The following ADGRV1 variants were observed in gnomAD, a reference collection of about 807,000 sequenced individuals.
The protein encoded by ADGRV1 is adhesion G protein-coupled receptor V1.
ADGRV1 carries 359 observed loss-of-function variants against 596.2 expected under a neutral mutation model. That is an observed-to-expected ratio of 0.60 (90% CI 0.55 to 0.66). The LOEUF is 0.66. ADGRV1 is among the 30% of genes least tolerant of loss of function. The pLI is 0.00. For missense variants in ADGRV1, 7,274 were observed against 7,575.6 expected, an observed-to-expected ratio of 0.96 and a Z score of 1.48; for synonymous variants, 2,681 against 2,679.2, an observed-to-expected ratio of 1.00 and a Z score of -0.02.
chr5:90,940,687 C>T (rs1581582506), intron 83 of ADGRV1, among the ~76,000 whole-genome samples: 1 of 152,030 alleles, frequency 6.6e-6, no homozygotes, highest in East Asian at 1.9e-4. Flanking sequence ...CAAACAAAAG[C>T]CCACAGAAGG....
chr5:90,838,109 T>C (rs1314177259), intron 77 of ADGRV1, among the ~76,000 whole-genome samples: 1 of 152,210 alleles, frequency 6.6e-6, no homozygotes, highest in Non-Finnish European at 1.5e-5. Flanking sequence ...AATCCTTTCA[T>C]TTTAACTGTT....
chr5:90,710,146 C>T (rs1034539345), intron 39 of ADGRV1, among the ~76,000 whole-genome samples: 1 of 152,180 alleles, frequency 6.6e-6, no homozygotes, highest in Admixed American at 6.5e-5. Flanking sequence ...CAGAGAATTA[C>T]ACTCTCCCTA....
At chr5:90,927,299 T>C (rs915671712) in intron 83 of ADGRV1, among the ~76,000 whole-genome samples, 1 of 151,210 alleles carries the variant, frequency 6.6e-6, no homozygotes, top group Non-Finnish European at 1.5e-5. Flanking sequence ...CAGGACTTGC[T>C]TTATGAATCT....
At chr5:91,020,525 T>A (rs1783548107) in intron 85 of ADGRV1, among the ~76,000 whole-genome samples, 1 of 152,004 alleles carries the variant, frequency 6.6e-6, no homozygotes, top group Non-Finnish European at 1.5e-5. Flanking sequence ...CCAGGTTACA[T>A]CACTAGGAAA....
At chr5:90,689,327 C>G (rs1176846466) in intron 29 of ADGRV1, among the ~76,000 whole-genome samples, 1 of 143,648 alleles carries the variant, frequency 7.0e-6, no homozygotes, top group Non-Finnish European at 1.5e-5. Flanking sequence ...CCTTTCCCCA[C>G]CCACCTTTTT....
intron 1 of ADGRV1, among the ~76,000 whole-genome samples, chr5:90,590,769 T>A (rs1759385205): frequency 6.6e-6 from 1 of 152,218 alleles, no homozygotes; most frequent in Non-Finnish European, 1.5e-5. Context: ...TAATACACTG[T>A]TATTTTAATG....
chr5:90,846,028 C>T (rs1765846951), intron 78 of ADGRV1, among the ~76,000 whole-genome samples: 2 of 152,142 alleles, frequency 1.3e-5, no homozygotes, highest in South Asian at 2.1e-4. Context: ...CTTATAAATG[C>T]CAATCTTGAG....
chr5:90,966,359 C>T (rs1778455839), intron 84 of ADGRV1, among the ~76,000 whole-genome samples: 1 of 151,762 alleles, frequency 6.6e-6, no homozygotes, highest in Non-Finnish European at 1.5e-5. Flanking sequence ...GGTGAAACCC[C>T]ATCTCTACTA....
intron 70 of ADGRV1, among the ~76,000 whole-genome samples, chr5:90,797,749 T>C (rs1288403956): frequency 6.6e-6 from 1 of 152,120 alleles, no homozygotes; most frequent in African/African-American, 2.4e-5. Context: ...TCAGCAAATG[T>C]GAAAGAATGG....
chr5:90,729,287 G>A (rs1181472749), intron 49 of ADGRV1, among the ~76,000 whole-genome samples: 1 of 152,108 alleles, frequency 6.6e-6, no homozygotes. Context: ...AGTAAATAAT[G>A]TTCAGAACTT....
intron 21 of ADGRV1, among the ~76,000 whole-genome samples, chr5:90,659,157 A>G (rs943781182): frequency 1.3e-5 from 2 of 152,140 alleles, no homozygotes; most frequent in East Asian, 1.9e-4. Context: ...TTCAAATAGT[A>G]TGGTCCTTTT....
chr5:91,040,368 T>C (rs1384412771), intron 85 of ADGRV1, among the ~76,000 whole-genome samples: 1 of 152,182 alleles, frequency 6.6e-6, no homozygotes, highest in Non-Finnish European at 1.5e-5. Context: ...ACTGTACTGC[T>C]CAAAGGTAAA....
At chr5:90,569,385 ATATTTTTTTTTTT>A (rs1433059999) in intron 1 of ADGRV1, among the ~76,000 whole-genome samples, 57 of 16,476 alleles carry the variant, frequency 3.5e-3, no homozygotes, top group African/African-American at 0.014. Context: ...ATATATATAT[ATATTTTTTTTTTT>A]TTTTTTTTTT....
At chr5:91,163,723 C>A in intron 89 of ADGRV1, 59 bp from the exon 90 acceptor site, 4 of 674,758 alleles carry the variant, frequency 5.9e-6, no homozygotes, top group Non-Finnish European at 1.0e-5. Context: ...TAAATTGATT[C>A]TTAAGAATTC....
chr5:91,066,573 A>T (rs1787901608), intron 85 of ADGRV1, among the ~76,000 whole-genome samples: 1 of 152,218 alleles, frequency 6.6e-6, no homozygotes, highest in Admixed American at 6.5e-5. Flanking sequence ...TAAAACAAGA[A>T]GGTGTTAAGT....
intron 85 of ADGRV1, among the ~76,000 whole-genome samples, chr5:90,999,977 CTCTT>C (rs775450128): frequency 4.0e-4 from 61 of 152,212 alleles, no homozygotes; most frequent in Admixed American, 1.8e-3. Context: ...GATCTGCCTA[CTCTT>C]TCTTTTTCTG....
intron 1 of ADGRV1, among the ~76,000 whole-genome samples, chr5:90,566,543 C>A (rs1580286611): frequency 6.6e-6 from 1 of 151,942 alleles, no homozygotes; most frequent in East Asian, 1.9e-4. Flanking sequence ...GATTATTTTA[C>A]ATATTTTGTT....
chr5:90,622,726 A>G, intron 5 of ADGRV1, 25 bp downstream of exon 5: 1 of 994,180 alleles, frequency 1.0e-6, no homozygotes, highest in Non-Finnish European at 1.4e-6. Flanking sequence ...AAGTCATTTT[A>G]TTTTATTTAT....
At chr5:90,943,891 C>G (rs183099655) in intron 83 of ADGRV1, among the ~76,000 whole-genome samples, 5 of 152,250 alleles carry the variant, frequency 3.3e-5, no homozygotes, top group Admixed American at 3.3e-4. Context: ...CTAATGACGT[C>G]TGCAAAGATT....
Sources: gnomAD v4.1 joint callset for allele counts (sites outside exome capture counted in the v4.1 genomes callset) on GRCh38, gnomAD v4.1.1 for gene constraint, MANE v1.5 for transcripts, NCBI Gene and HGNC (gene_info 2026-07-23, HGNC 2026-07-21) for gene names.